KIAA1671: variants seen among roughly 807,000 people sequenced by gnomAD.
The protein encoded by KIAA1671 is uncharacterized protein KIAA1671.
KIAA1671 carries 52 observed loss-of-function variants against 131.2 expected under a neutral mutation model. That is an observed-to-expected ratio of 0.40 (90% CI 0.32 to 0.50). The LOEUF is 0.50. KIAA1671 is among the 20% of genes least tolerant of loss of function. KIAA1671 has a pLI of 0.73. For missense variants in KIAA1671, 2,360 were observed against 2,364.2 expected (o/e 1.00, Z 0.04); for synonymous variants, 1,003 against 961.6 (o/e 1.04, Z -0.80).
chr22:25,157,577 AAC>A, intron 6 of KIAA1671, among the ~76,000 whole-genome samples: 3 of 152,332 alleles, frequency 2.0e-5, no homozygotes, highest in Admixed American at 2.0e-4. Context: ...GTAACCTTAG[AAC>A]TGTAGAGCTT....
chr22:25,067,919 G>T (rs1015217503), intron 6 of KIAA1671, among the ~76,000 whole-genome samples: 2 of 152,388 alleles, frequency 1.3e-5, no homozygotes, highest in East Asian at 1.9e-4. Context: ...CCCCAGACTT[G>T]ACACTCATCA....
chr22:25,117,211 G>T (rs550185461), intron 6 of KIAA1671, among the ~76,000 whole-genome samples: 4 of 152,302 alleles, frequency 2.6e-5, no homozygotes, highest in South Asian at 4.1e-4. Context: ...TGTAGCTGGG[G>T]TATATTCTCC....
intron 1 of KIAA1671, among the ~76,000 whole-genome samples, chr22:24,974,727 C>G (rs997501380): frequency 3.0e-4 from 34 of 111,580 alleles, no homozygotes; most frequent in Non-Finnish European, 4.0e-4. Context: ...GTGTCTTGCT[C>G]TGTTGCCCAG....
intron 6 of KIAA1671, among the ~76,000 whole-genome samples, chr22:25,151,956 C>G (rs1933059728): frequency 6.6e-6 from 1 of 152,114 alleles, no homozygotes; most frequent in African/African-American, 2.4e-5. Flanking sequence ...CCAGGCCGCT[C>G]CTGAACTCCT....
intron 6 of KIAA1671, among the ~76,000 whole-genome samples, chr22:25,080,558 A>AT (rs1252933052): frequency 1.3e-5 from 2 of 151,938 alleles, no homozygotes; most frequent in African/African-American, 4.8e-5. Flanking sequence ...ATTTATTTTT[A>AT]TTTTTTTAGA....
intron 4 of KIAA1671, 55 bp downstream of exon 4, chr22:25,032,751 C>A: frequency 1.8e-6 from 2 of 1,129,902 alleles, no homozygotes; most frequent in Non-Finnish European, 2.6e-6. Context: ...GTTATGGCTG[C>A]TGGAGAAAGA....
intron 9 of KIAA1671, 118 bp downstream of exon 9, chr22:25,177,640 A>C (rs1934085336): frequency 1.2e-6 from 1 of 825,314 alleles, no homozygotes; most frequent in Non-Finnish European, 1.8e-6. Flanking sequence ...ACACAATTAC[A>C]TAGGAAACTG....
At chr22:25,058,555 G>A (rs1431445553) in intron 6 of KIAA1671, 2 of 152,064 alleles carry the variant, frequency 1.3e-5, no homozygotes, top group African/African-American at 2.4e-5. Flanking sequence ...GGCACTGTTC[G>A]GAAACTGCTG....
intron 6 of KIAA1671, among the ~76,000 whole-genome samples, chr22:25,067,978 C>G (rs944585088): frequency 2.0e-5 from 3 of 152,280 alleles, no homozygotes; most frequent in Non-Finnish European, 4.4e-5. Flanking sequence ...AGGCAGCTGG[C>G]ATCATCCCTC....
intron 9 of KIAA1671, among the ~76,000 whole-genome samples, chr22:25,179,823 C>A (rs1934202828): frequency 6.6e-6 from 1 of 152,144 alleles, no homozygotes; most frequent in Non-Finnish European, 1.5e-5. Context: ...TTTCTGTATT[C>A]CTGAGTTGAA....
At chr22:25,140,113 C>T (rs765112331) in intron 6 of KIAA1671, among the ~76,000 whole-genome samples, 84 of 152,310 alleles carry the variant, frequency 5.5e-4, no homozygotes, top group Admixed American at 3.2e-3. Flanking sequence ...GGCTGCAATC[C>T]GGGTGTTGGC....
At chr22:24,973,395 T>TGTTTTTTG (rs796590643) in intron 1 of KIAA1671, among the ~76,000 whole-genome samples, 1 of 96,898 alleles carries the variant, frequency 1.0e-5, no homozygotes, top group African/African-American at 4.7e-5. Context: ...GATGGTTTTT[T>TGTTTTTTG]TTTTTTTTTT....
chr22:25,023,060 T>C (rs1925758810), intron 1 of KIAA1671: 2 of 152,112 alleles, frequency 1.3e-5, no homozygotes, highest in African/African-American at 4.8e-5. Flanking sequence ...AAAAAAAAAT[T>C]AGCTGGGTGT....
intron 1 of KIAA1671, among the ~76,000 whole-genome samples, chr22:24,968,461 C>T (rs5996801): frequency 0.17 from 26,563 of 152,100 alleles, 2,623 homozygotes; most frequent in South Asian, 0.3. Context: ...CCATGCAGCC[C>T]GCAGTCATGT....
At chr22:24,975,675 A>G (rs1372413428) in intron 1 of KIAA1671, among the ~76,000 whole-genome samples, 1 of 152,186 alleles carries the variant, frequency 6.6e-6, no homozygotes, top group African/African-American at 2.4e-5. Context: ...AATGGCAGAT[A>G]CCAGAATTTC....
At chr22:25,062,801 C>T (rs553779826) in intron 6 of KIAA1671, 1 of 131,926 alleles carries the variant, frequency 7.6e-6, no homozygotes, top group Non-Finnish European at 1.6e-5. Flanking sequence ...CTGTTCCCCC[C>T]CTCCCAACCG....
chr22:25,029,395 C>G lies in KIAA1671; in HGVS notation c.1396C>G (p.Pro466Ala), dbSNP rs1186828458. 5.8e-6 allele frequency: 9 copies of G among 1,551,428 alleles called. No individual in the cohort carries two copies. The highest frequency in any genetic ancestry group is 7.0e-6 in the Non-Finnish European group (8 of 1,146,856). ...SESPLATPAS[P>A]SAAPEPEKGV... The stretch of plus-strand genomic sequence containing the variant: ...ATCTCCCCTGGCCACCCCTGCGTCC[C>G]CATCGGCGGCACCAGAGCCGGAGAA... The change falls in exon 3 of 13, where the codon CCA becomes GCA. Residue 466 changes from proline (P) to alanine (A), a missense_variant. Around this residue, in one of 3 missense-constraint regions of KIAA1671, gnomAD observed 1,185 missense variants for 1,126.2 expected, o/e 1.05. Coordinates refer to ENST00000358431, the MANE Select transcript of KIAA1671 (RefSeq NM_001145206.2).
chr22:25,073,918 T>C (rs1467950606), intron 6 of KIAA1671, among the ~76,000 whole-genome samples: 1 of 152,194 alleles, frequency 6.6e-6, no homozygotes, highest in Non-Finnish European at 1.5e-5. Flanking sequence ...GGTCTCAAAC[T>C]CCTGACCTCA....
chr22:25,070,584 A>AC (rs1462786473), intron 6 of KIAA1671, among the ~76,000 whole-genome samples: 1 of 152,140 alleles, frequency 6.6e-6, no homozygotes, highest in East Asian at 1.9e-4. Context: ...GAAAAAGGAA[A>AC]CGGGCTTGGT....
Sources: gnomAD v4.1 joint callset for allele counts (sites outside exome capture counted in the v4.1 genomes callset) on GRCh38, gnomAD v4.1.1 for gene constraint, gnomAD v4.1.1 regional missense constraint, MANE v1.5 for transcripts, NCBI Gene and HGNC (gene_info 2026-07-23, HGNC 2026-07-21) for gene names.